The following CYP7B1 variants were observed in gnomAD, a reference collection of about 807,000 sequenced individuals.
CYP7B1 encodes the protein cytochrome P450 7B1.
Under a neutral mutation model 42.7 loss-of-function variants are expected in CYP7B1, and 29 were observed. The observed-to-expected ratio is 0.68, with a 90% CI of 0.51 to 0.93. CYP7B1 has a LOEUF of 0.93. CYP7B1 is among the 40% of genes least tolerant of loss of function. CYP7B1 has a pLI of 0.00. For synonymous variants in CYP7B1, 235 were observed against 218.2 expected (o/e 1.08, Z -0.68); for missense variants, 655 against 600.5 (o/e 1.09, Z -0.95).
At chr8:64,680,952 T>C (rs1806527199) in intron 1 of CYP7B1, among the ~76,000 whole-genome samples, 2 of 152,122 alleles carry the variant, frequency 1.3e-5, no homozygotes, top group South Asian at 4.1e-4. Context: ...TTTCCAAAAT[T>C]ACTTTCCTTG....
At chr8:64,765,122 A>G (rs1807952105) in intron 1 of CYP7B1, among the ~76,000 whole-genome samples, 1 of 145,876 alleles carries the variant, frequency 6.9e-6, no homozygotes, top group South Asian at 2.1e-4. Flanking sequence ...TTGCAGGATG[A>G]AAAAAAAAAA....
chr8:64,731,672 C>T (rs1024332887), intron 1 of CYP7B1, among the ~76,000 whole-genome samples: 1 of 152,202 alleles, frequency 6.6e-6, no homozygotes, highest in East Asian at 1.9e-4. Flanking sequence ...GTCTCCAGGG[C>T]ATGTCGGAGA....
In CYP7B1 at chr8:64,650,400, C is replaced by T. The variant is rs193129071; in HGVS notation, c.123-25861G>A. Among the ~76,000 whole-genome samples the T allele has an allele frequency of 3.3e-3, 503 of 152,274 alleles. 1 individual carries two copies. The highest frequency in any genetic ancestry group is 4.4e-3 in the Non-Finnish European group (296 of 68,022). ...TGGTGGCTCATGTCTGTAATCCCAGCACTTTGGGAGGCTGAGGTGGGCGGA... is the reference window on the plus strand; with the variant it reads ...TGGTGGCTCATGTCTGTAATCCCAGTACTTTGGGAGGCTGAGGTGGGCGGA... On this transcript the variant is annotated intron_variant, in intron 1 of 5. Transcript: ENST00000310193.
At chr8:64,622,798 A>G (rs1300852498) in intron 2 of CYP7B1, among the ~76,000 whole-genome samples, 3 of 152,182 alleles carry the variant, frequency 2.0e-5, no homozygotes, top group Non-Finnish European at 4.4e-5. Context: ...AGTGTCTTGA[A>G]CATTCTTTGA....
At chr8:64,682,758 A>G (rs974798973) in intron 1 of CYP7B1, among the ~76,000 whole-genome samples, 53 of 152,210 alleles carry the variant, frequency 3.5e-4, no homozygotes, top group African/African-American at 1.2e-3. Flanking sequence ...TACTGGAGAC[A>G]CGTCAGCTCG....
chr8:64,756,977 A>T (rs940062305), intron 1 of CYP7B1, among the ~76,000 whole-genome samples: 6 of 152,284 alleles, frequency 3.9e-5, no homozygotes, highest in African/African-American at 1.4e-4. Flanking sequence ...GATTTCCAGC[A>T]CTTATTGTGG....
At chr8:64,586,927 AGGTG>A (rs1280020951), downstream of CYP7B1, among the ~76,000 whole-genome samples, 2 of 152,222 alleles carry the variant, frequency 1.3e-5, no homozygotes, top group Non-Finnish European at 2.9e-5. Context: ...TAGACACAGT[AGGTG>A]GAAGGAGGGA....
At chr8:64,727,924 A>T (rs531805438) in intron 1 of CYP7B1, 1 of 152,376 alleles carries the variant, frequency 6.6e-6, no homozygotes, top group East Asian at 1.9e-4. Flanking sequence ...AGTATGGATC[A>T]AGAACATTTA....
chr8:64,643,694 C>A (rs917397902), intron 1 of CYP7B1, among the ~76,000 whole-genome samples: 1 of 152,212 alleles, frequency 6.6e-6, no homozygotes, highest in African/African-American at 2.4e-5. Flanking sequence ...GGAGTCAATT[C>A]GCTCAAACCC....
intron 1 of CYP7B1, among the ~76,000 whole-genome samples, chr8:64,731,253 T>G: frequency 6.6e-6 from 1 of 152,162 alleles, no homozygotes; most frequent in East Asian, 1.9e-4. Flanking sequence ...TGGAACAATT[T>G]GGACGGTTCA....
chr8:64,596,908 TA>T lies in CYP7B1; in HGVS notation c.1254del (p.Phe418LeufsTer2). ...GTGGTTTTCTTCTTACCATCTTCTA[TA>T]AAACGATCATATCTAAACTCCTGTA... ...EAPEEFRYDRFIEDGKKKTTF... is the reference protein window; with the variant it reads ...EAPEEFRYDRXIEDGKKKTTF... On this transcript the variant is annotated frameshift_variant, in exon 6 of 6. Transcript: ENST00000310193. LOFTEE classifies it low-confidence loss of function (END_TRUNC). 6.2e-7 allele frequency: 1 copy of T among 1,611,896 alleles called. No individual in the cohort carries two copies. The highest frequency in any genetic ancestry group is 8.5e-7 in the Non-Finnish European group (1 of 1,178,260).
At chr8:64,791,337 C>A (rs1185689160) in intron 1 of CYP7B1, among the ~76,000 whole-genome samples, 1 of 152,108 alleles carries the variant, frequency 6.6e-6, no homozygotes, top group Non-Finnish European at 1.5e-5. Context: ...ATTCTTGAAG[C>A]CTATGAATTT....
intron 1 of CYP7B1, among the ~76,000 whole-genome samples, chr8:64,691,489 G>T (rs112553359): frequency 1.4e-5 from 2 of 145,212 alleles, no homozygotes; most frequent in Non-Finnish European, 3.0e-5. Flanking sequence ...AACTGGGGGG[G>T]GGGGGTGGTG....
At chr8:64,603,726 AC>A (rs1165486065) in intron 5 of CYP7B1, among the ~76,000 whole-genome samples, 1 of 152,124 alleles carries the variant, frequency 6.6e-6, no homozygotes, top group Non-Finnish European at 1.5e-5. Context: ...CACTCCCCCC[AC>A]ACTTAAGTCA....
intron 1 of CYP7B1, among the ~76,000 whole-genome samples, chr8:64,752,350 G>A (rs894253246): frequency 7.9e-5 from 12 of 151,876 alleles, no homozygotes; most frequent in African/African-American, 2.9e-4. Flanking sequence ...GAAATGTCTT[G>A]TCCAACTTTC....
At chr8:64,694,549 T>G (rs1806795772) in intron 1 of CYP7B1, among the ~76,000 whole-genome samples, 1 of 152,118 alleles carries the variant, frequency 6.6e-6, no homozygotes, top group Non-Finnish European at 1.5e-5. Flanking sequence ...GGACTGCCTG[T>G]GCTGGTCCAC....
intron 1 of CYP7B1, among the ~76,000 whole-genome samples, chr8:64,677,535 C>T (rs1293963509): frequency 1.3e-5 from 2 of 150,464 alleles, no homozygotes; most frequent in Non-Finnish European, 3.0e-5. Context: ...GGACTAACAG[C>T]TTACCAGAAC....
At chr8:64,632,231 C>A (rs934468834) in intron 1 of CYP7B1, among the ~76,000 whole-genome samples, 1 of 152,130 alleles carries the variant, frequency 6.6e-6, no homozygotes, top group Non-Finnish European at 1.5e-5. Flanking sequence ...CAATGCAATA[C>A]TATCCAGCCT....
At chr8:64,622,007 T>C (rs947637861) in intron 2 of CYP7B1, among the ~76,000 whole-genome samples, 1 of 152,000 alleles carries the variant, frequency 6.6e-6, no homozygotes, top group Non-Finnish European at 1.5e-5. Context: ...CTGGCCAGCT[T>C]CCAGGCAAAG....
Sources: allele counts gnomAD v4.1 joint callset (sites outside exome capture counted in the v4.1 genomes callset), GRCh38; gene constraint gnomAD v4.1.1; transcripts MANE v1.5; gene names NCBI Gene and HGNC (gene_info 2026-07-23, HGNC 2026-07-21).